The following SF1 variants were observed in gnomAD, a reference collection of about 807,000 sequenced individuals.
SF1 encodes splicing factor 1, also known as branch point-binding protein.
SF1 carries 7 observed loss-of-function variants against 62.5 expected under a neutral mutation model. That is an observed-to-expected ratio of 0.11 (90% CI 0.06 to 0.21). The LOEUF is 0.21. Ranked by LOEUF, SF1 falls within the 10% of genes least tolerant of loss-of-function variation. SF1 has a pLI of 1.00. For missense variants in SF1, 578 were observed against 884.0 expected (o/e 0.65, Z 4.39); for synonymous variants, 394 against 323.6 (o/e 1.22, Z -2.33).
chr11:64,776,479 A>T lies in SF1; in HGVS notation c.160+19T>A. Reference sequence around the variant, plus strand: ...CGTAACAATCTCAAAGTGCATTTGGATGCAGAACGTATATTTACCTATATA... The same window carrying T: ...CGTAACAATCTCAAAGTGCATTTGGTTGCAGAACGTATATTTACCTATATA... On this transcript the variant is annotated intron_variant, in intron 2 of 12. Transcript: ENST00000377390. 6.4e-7 allele frequency: 1 copy of T among 1,568,936 alleles called. No homozygotes were observed. Among genetic ancestry groups the T allele is most frequent in the Non-Finnish European group, 8.6e-7 (1 of 1,162,626 alleles).
At chr11:64,776,776 A>C in intron 1 of SF1, 150 bp from the exon 2 acceptor site, 1 of 697,686 alleles carries the variant, frequency 1.4e-6, no homozygotes. Context: ...CAGAAAACAA[A>C]CCTCAGAGAT....
rs999204017 is a variant in SF1, at chr11:64,777,798, C to T, written c.31+564G>A. ...GCCTCCCGCCCGCCCAGCCCTCCCC[C>T]CACAGCGCGCGTGCGCACTCGAGGC... On this transcript the variant is annotated intron_variant, in intron 1 of 12. Coordinates refer to ENST00000377390, the MANE Select transcript of SF1 (RefSeq NM_004630.4). 3.1e-6 allele frequency: 3 copies of T among 982,472 alleles called. No homozygotes were observed. In the African/African-American group the frequency reaches 5.2e-5, roughly 17 times the overall value. The allele number at this position is 982,472 out of a possible 1,614,324, so 60.9% of individuals were successfully genotyped here.
At chr11:64,776,873 C>T (rs1400177942) in intron 1 of SF1, among the ~76,000 whole-genome samples, 2 of 152,160 alleles carry the variant, frequency 1.3e-5, no homozygotes, top group African/African-American at 2.4e-5. Flanking sequence ...TCTAGAAAAA[C>T]TGTCAGATAT....
rs745771422 is a variant in SF1, at chr11:64,767,627, G to A, written c.1286C>T (p.Pro429Leu). The A allele has an allele frequency of 2.5e-6, 4 of 1,593,432 alleles. No individual in the cohort carries two copies. The South Asian group carries it at 4.5e-5, about 18-fold the overall frequency. ...GPPPPWMQPP[P>L]PPMNQGPHPP... Reference sequence around the variant, plus strand: ...GTGGGGGCCCTGGTTCATCGGTGGTGGTGGTGGCTGCATCCAAGGGGGTGG... The same window carrying A: ...GTGGGGGCCCTGGTTCATCGGTGGTAGTGGTGGCTGCATCCAAGGGGGTGG... The change falls in exon 10 of 13, where the codon CCA becomes CTA. Residue 429 changes from proline to leucine, a missense_variant. Coordinates refer to ENST00000377390, the MANE Select transcript of SF1 (RefSeq NM_004630.4).
intron 3 of SF1, chr11:64,772,307 A>C: frequency 1.0e-6 from 1 of 984,864 alleles, no homozygotes; most frequent in South Asian, 4.7e-5. Flanking sequence ...GTGGTCTATG[A>C]CCTACAATGT....
At position 64,765,769 on chromosome 11, in the gene SF1, C is replaced by T. The variant is rs746697632; in HGVS notation, c.*49G>A. ...TATGGTGAGGTTCGGCGTGTTTAAA[C>T]GAGACCAATTCTCTCTATATATAAT... On this transcript the variant is annotated 3_prime_UTR_variant, in exon 13 of 13. Transcript: ENST00000377390. The T allele has an allele frequency of 6.2e-5, 92 of 1,491,544 alleles. No homozygotes were observed. Among genetic ancestry groups the T allele is most frequent in the Non-Finnish European group, 7.5e-5 (84 of 1,122,862 alleles). 92.4% of individuals were successfully genotyped at this position (1,491,544 alleles called of 1,614,324 possible). A position where few individuals can be genotyped will look rare whatever the true frequency, so the allele number is the denominator to read the frequency against.
At chr11:64,772,958 T>C (rs542923290) in intron 3 of SF1, 2 of 988,250 alleles carry the variant, frequency 2.0e-6, no homozygotes, top group Middle Eastern at 5.2e-4. Context: ...TTTGAAACCA[T>C]CTCAAAACCA....
chr11:64,777,722 A>C (rs756240788), intron 1 of SF1: 59 of 985,580 alleles, frequency 6.0e-5, no homozygotes, highest in Admixed American at 1.2e-4. Flanking sequence ...CCCCCAGTCT[A>C]TACAGTTGCG....
rs199951479 is a variant in SF1, at chr11:64,773,465, T to C, written c.201A>G (p.Thr67=). 5.1e-5 allele frequency: 82 copies of C among 1,613,648 alleles called. No individual in the cohort carries two copies. The highest frequency in any genetic ancestry group is 6.7e-5 in the Non-Finnish European group (79 of 1,179,924). ...GGTTAGGGGGGATGCCCAGGTCTCC[T>C]GTGCGCAGTTTACGAGTCAGGTCTT... is the stretch of plus-strand genomic sequence containing the variant. ...QIEDLTRKLR[T]GDLGIPPNPE... The change falls in exon 3 of 13, where the codon ACA becomes ACG. Residue 67 remains threonine, a synonymous_variant. Coordinates refer to ENST00000377390, the MANE Select transcript of SF1 (RefSeq NM_004630.4).
chr11:64,771,742 A>G (rs893448990), intron 3 of SF1: 7 of 985,254 alleles, frequency 7.1e-6, no homozygotes, highest in African/African-American at 7.0e-5. Flanking sequence ...GAAAAGTTTT[A>G]AACATGTTTT....
At position 64,778,165 on chromosome 11, in the gene SF1, G is replaced by GGGC. The variant is rs1206728161; in HGVS notation, c.31+194_31+196dup. 6.7e-6 allele frequency: 6 copies of GGGC among 898,724 alleles called. No homozygotes were observed. The African/African-American group carries it at 9.0e-5, about 13-fold the overall frequency. The allele number at this position is 898,724 out of a possible 1,614,324, so 55.7% of individuals were successfully genotyped here. On this transcript the variant is annotated intron_variant, in intron 1 of 12. Transcript: ENST00000377390. Reference sequence around the variant, plus strand: ...GCGGCGGCTGCTGGGGAGGCGGAGGGGGCGGCGGCGGAGGCGGCGGAGGCA... The same window carrying GGGC: ...GCGGCGGCTGCTGGGGAGGCGGAGGGGGCGGCGGCGGCGGAGGCGGCGGAGGCA...
intron 3 of SF1, chr11:64,773,204 A>G (rs1938599040): frequency 1.5e-6 from 2 of 1,351,026 alleles, no homozygotes; most frequent in Non-Finnish European, 1.9e-6. Context: ...CCAGTTGTCC[A>G]TTTTCCTGTA....
At chr11:64,777,745 G>A in intron 1 of SF1, 1 of 985,586 alleles carries the variant, frequency 1.0e-6, no homozygotes, top group Non-Finnish European at 1.2e-6. Context: ...GCACAGCCCG[G>A]CCACCTCACT....
At position 64,768,144 on chromosome 11, in the gene SF1, G is replaced by A. The variant is rs1565561740; in HGVS notation, c.1030C>T (p.Pro344Ser). ...GPATTPLASA[P>S]RPAAPANNPP... ...TTGTTGGCGGGAGCAGCAGGACGAG[G>A]TGCGCTGGCCAGGGGTGTGGTGGCA... Residue 344 changes from proline to serine, a missense_variant, in exon 9 of 13, where the codon CCT becomes TCT. Around this residue, in one of 7 missense-constraint regions of SF1, gnomAD observed 410 missense variants for 452.4 expected, o/e 0.91. Coordinates refer to ENST00000377390, the MANE Select transcript of SF1 (RefSeq NM_004630.4). 6.2e-7 allele frequency: 1 copy of A among 1,613,020 alleles called. No homozygotes were observed. Among genetic ancestry groups the A allele is most frequent in the Non-Finnish European group, 8.5e-7 (1 of 1,179,520 alleles).
chr11:64,768,633 C>T (rs1409871113), intron 8 of SF1, among the ~76,000 whole-genome samples: 2 of 152,232 alleles, frequency 1.3e-5, no homozygotes, highest in African/African-American at 2.4e-5. Context: ...ACTGCCAGAA[C>T]GAACTTCCTA....
At position 64,769,413 on chromosome 11, in the gene SF1, G is replaced by C; in HGVS notation, c.663+13C>G. Reference sequence around the variant, plus strand: ...TTCTGCTAGGAGGCTTCCTTTCTGGGCTCACCGCTCACCTGTTCCACTGCC... The same window carrying C: ...TTCTGCTAGGAGGCTTCCTTTCTGGCCTCACCGCTCACCTGTTCCACTGCC... On this transcript the variant is annotated intron_variant, in intron 6 of 12. Coordinates refer to ENST00000377390, the MANE Select transcript of SF1 (RefSeq NM_004630.4). The C allele has an allele frequency of 6.2e-7, 1 of 1,613,858 alleles. No individual in the cohort carries two copies. Among genetic ancestry groups the C allele is most frequent in the Non-Finnish European group, 8.5e-7 (1 of 1,179,842 alleles).
At chr11:64,777,967 G>A (rs986131102) in intron 1 of SF1, 5 of 990,830 alleles carry the variant, frequency 5.0e-6, no homozygotes, top group Non-Finnish European at 1.2e-6. Flanking sequence ...CGCCTCTCGC[G>A]CTCTCTCGGC....
intron 1 of SF1, among the ~76,000 whole-genome samples, chr11:64,777,225 C>T (rs1454934531): frequency 6.6e-6 from 1 of 152,204 alleles, no homozygotes; most frequent in African/African-American, 2.4e-5. Flanking sequence ...TTAAAAGGAT[C>T]TATCAAAAAT....
At chr11:64,776,841 G>A (rs982104281) in intron 1 of SF1, among the ~76,000 whole-genome samples, 4 of 152,196 alleles carry the variant, frequency 2.6e-5, no homozygotes, top group African/African-American at 9.7e-5. Flanking sequence ...GGTCAGGCAA[G>A]TTAACATTTC....
Sources: allele counts gnomAD v4.1 joint callset (sites outside exome capture counted in the v4.1 genomes callset), GRCh38; gene constraint gnomAD v4.1.1; regional missense constraint gnomAD v4.1.1; transcripts MANE v1.5; gene names NCBI Gene and HGNC (gene_info 2026-07-23, HGNC 2026-07-21).